Variants in NMNAT3 observed in about 807,000 individuals in gnomAD.
NMNAT3 encodes the protein nicotinamide nucleotide adenylyltransferase 3.
NMNAT3 carries 21 observed loss-of-function variants against 24.8 expected under a neutral mutation model. That is an observed-to-expected ratio of 0.85 (90% CI 0.60 to 1.22). The LOEUF (loss-of-function observed/expected upper bound fraction) is 1.22. Ranked by LOEUF, NMNAT3 falls within the 50% of genes most tolerant of loss-of-function variation. The probability of loss-of-function intolerance (pLI) is 0.00; values close to 1 mark genes in which losing one functional copy is unlikely to be tolerated. For synonymous variants in NMNAT3, 136 were observed against 155.2 expected (o/e 0.88, Z 0.92); for missense variants, 387 against 436.6 (o/e 0.89, Z 1.01).
At chr3:139,565,175 G>A (rs189472774) in intron 6 of NMNAT3, among the ~76,000 whole-genome samples, 19 of 151,984 alleles carry the variant, frequency 1.3e-4, no homozygotes, top group Non-Finnish European at 2.2e-4. Context: ...CATTGATATT[G>A]CTTTTACTTC....
At chr3:139,628,965 G>A (rs1559928804) in intron 2 of NMNAT3, among the ~76,000 whole-genome samples, 1 of 152,198 alleles carries the variant, frequency 6.6e-6, no homozygotes, top group Non-Finnish European at 1.5e-5. Context: ...AATGGAGCAG[G>A]AGGAGAAAGG....
At chr3:139,656,032 A>G (rs1294570146) in intron 1 of NMNAT3, among the ~76,000 whole-genome samples, 1 of 152,224 alleles carries the variant, frequency 6.6e-6, no homozygotes, top group Non-Finnish European at 1.5e-5. Context: ...AGCAACTACA[A>G]TGTTTGGTAA....
chr3:139,574,141 A>G (rs1938910974), intron 5 of NMNAT3, among the ~76,000 whole-genome samples: 1 of 152,240 alleles, frequency 6.6e-6, no homozygotes, highest in African/African-American at 2.4e-5. Flanking sequence ...GGCACAGTGC[A>G]TGGCCCACAG....
chr3:139,582,417 G>A (rs1335068536), intron 4 of NMNAT3, among the ~76,000 whole-genome samples: 1 of 151,582 alleles, frequency 6.6e-6, no homozygotes, highest in East Asian at 1.9e-4. Context: ...CAAGGCAGGA[G>A]GATCACCTGA....
intron 1 of NMNAT3, among the ~76,000 whole-genome samples, chr3:139,676,391 G>A (rs2057931088): frequency 6.6e-6 from 1 of 152,224 alleles, no homozygotes; most frequent in Admixed American, 6.5e-5. Flanking sequence ...TCCCAGCATA[G>A]TTGCTGCTTC....
intron 6 of NMNAT3, chr3:139,568,491 T>G (rs1937568505): frequency 6.6e-6 from 1 of 152,226 alleles, no homozygotes; most frequent in Non-Finnish European, 1.5e-5. Flanking sequence ...TGCTATAAAT[T>G]TCCCTCTACA....
intron 1 of NMNAT3, among the ~76,000 whole-genome samples, chr3:139,675,004 C>G (rs984112215): frequency 1.3e-5 from 2 of 152,072 alleles, no homozygotes; most frequent in African/African-American, 2.4e-5. Context: ...GAAAGTCACA[C>G]GAGCAATTTT....
At chr3:139,672,714 T>C (rs950425519) in intron 1 of NMNAT3, 5 of 152,216 alleles carry the variant, frequency 3.3e-5, no homozygotes, top group African/African-American at 9.7e-5. Flanking sequence ...CATCTGAGAC[T>C]GGTAGGGATT....
chr3:139,666,167 A>ACAATGG (rs1489841821), intron 1 of NMNAT3, among the ~76,000 whole-genome samples: 2 of 152,196 alleles, frequency 1.3e-5, no homozygotes, highest in African/African-American at 4.8e-5. Flanking sequence ...TGCTCTTCTT[A>ACAATGG]CAATGGGACA....
intron 2 of NMNAT3, chr3:139,637,030 C>T (rs1235167285): frequency 6.6e-6 from 1 of 152,056 alleles, no homozygotes; most frequent in Non-Finnish European, 1.5e-5. Context: ...CTTATGGGCC[C>T]CTAAAGGTAC....
chr3:139,580,478 G>A (rs1271128167), intron 4 of NMNAT3, among the ~76,000 whole-genome samples: 1 of 152,132 alleles, frequency 6.6e-6, no homozygotes, highest in Non-Finnish European at 1.5e-5. Flanking sequence ...AGTTTTGTGA[G>A]GCTAGAGTTT....
At chr3:139,566,071 G>A (rs1232115921) in intron 6 of NMNAT3, 8 of 152,060 alleles carry the variant, frequency 5.3e-5, no homozygotes, top group Middle Eastern at 3.4e-3. Flanking sequence ...GTGTGAGATG[G>A]TATCTCATTG....
chr3:139,601,193 C>T (rs1230732370), intron 3 of NMNAT3, among the ~76,000 whole-genome samples: 1 of 152,154 alleles, frequency 6.6e-6, no homozygotes, highest in Non-Finnish European at 1.5e-5. Flanking sequence ...CTAGGCAAAG[C>T]AGCTCTGTCC....
chr3:139,563,934 T>G (rs1439015989), intron 6 of NMNAT3, among the ~76,000 whole-genome samples: 1 of 152,184 alleles, frequency 6.6e-6, no homozygotes, highest in Admixed American at 6.5e-5. Flanking sequence ...GCTCTACCTT[T>G]GAGTAGCTAA....
At position 139,582,934 on chromosome 3, in the gene NMNAT3, T is replaced by A. The variant is rs1375990203; in HGVS notation, c.384A>T (p.Arg128=). Residue 128 remains arginine (R), a synonymous_variant, in exon 4 of 7, where the codon CGA becomes CGT. Coordinates refer to ENST00000643695, the MANE Select transcript of NMNAT3 (RefSeq NM_001320510.2). ...TATATATATATTTTTTACCTTGAAGTCGCTCATCAGTGAATATTTTGTTTG... is the reference window on the plus strand; with the variant it reads ...TATATATATATTTTTTACCTTGAAGACGCTCATCAGTGAATATTTTGTTTG... 1.3e-5 allele frequency: 19 copies of A among 1,474,756 alleles called. No individual in the cohort carries two copies. The highest frequency in any genetic ancestry group is 1.7e-5 in the Non-Finnish European group (19 of 1,109,256). The allele number at this position is 1,474,756 out of a possible 1,614,324, so 91.4% of individuals were successfully genotyped here.
intron 3 of NMNAT3, among the ~76,000 whole-genome samples, chr3:139,592,041 A>G (rs1444496791): frequency 1.3e-5 from 2 of 152,228 alleles, no homozygotes; most frequent in African/African-American, 2.4e-5. Flanking sequence ...AGGAAATTCA[A>G]ACCAAAGGCA....
chr3:139,655,265 G>A (rs868066955), intron 1 of NMNAT3, among the ~76,000 whole-genome samples: 2 of 152,186 alleles, frequency 1.3e-5, no homozygotes, highest in East Asian at 3.9e-4. Context: ...TGATCCTGAC[G>A]GTGGTGGCTG....
At chr3:139,675,311 G>A (rs16849309) in intron 1 of NMNAT3, among the ~76,000 whole-genome samples, 61,747 of 152,060 alleles carry the variant, frequency 0.41, 12,796 homozygotes, top group Non-Finnish European at 0.45. Flanking sequence ...GAGCCAGAAC[G>A]GTCTCAGGCA....
At chr3:139,606,221 T>C (rs1174481833) in intron 3 of NMNAT3, among the ~76,000 whole-genome samples, 15 of 152,238 alleles carry the variant, frequency 9.9e-5, no homozygotes, top group Non-Finnish European at 1.0e-4. Flanking sequence ...CACATAGTTG[T>C]CCTGTATCTA....
Sources: gnomAD v4.1 joint callset for allele counts (sites outside exome capture counted in the v4.1 genomes callset) on GRCh38, gnomAD v4.1.1 for gene constraint, MANE v1.5 for transcripts, NCBI Gene and HGNC (gene_info 2026-07-23, HGNC 2026-07-21) for gene names.